MEGF6: variants seen among roughly 807,000 people sequenced by gnomAD.
MEGF6 encodes the protein multiple EGF like domains 6, also known as multiple epidermal growth factor-like domains protein 6.
In MEGF6, 184 loss-of-function variants were observed where a neutral mutation model predicts 207.1. The ratio of observed to expected loss-of-function variants is 0.89; its 90% confidence interval spans 0.79 to 1.00. The LOEUF (loss-of-function observed/expected upper bound fraction) is 1.00. Ranked by LOEUF, MEGF6 falls within the 50% of genes least tolerant of loss-of-function variation. The probability of loss-of-function intolerance (pLI) is 0.00; values close to 1 mark genes in which losing one functional copy is unlikely to be tolerated. For missense variants in MEGF6, 2,282 were observed against 2,202.9 expected, an observed-to-expected ratio of 1.04 and a Z score of -0.72; for synonymous variants, 1,038 against 910.0, an observed-to-expected ratio of 1.14 and a Z score of -2.53.
intron 4 of MEGF6, among the ~76,000 whole-genome samples, chr1:3,574,736 A>G (rs1557787365): frequency 6.6e-6 from 1 of 152,166 alleles, no homozygotes; most frequent in Non-Finnish European, 1.5e-5. Context: ...TCCACCTCCC[A>G]GGTTCAATCA....
chr1:3,499,828 G>T lies in MEGF6; in HGVS notation c.2804C>A (p.Pro935Gln). The T allele has an allele frequency of 6.4e-7, 1 of 1,553,758 alleles. No individual in the cohort carries two copies. Among genetic ancestry groups the T allele is most frequent in the Non-Finnish European group, 8.7e-7 (1 of 1,149,454 alleles). Residue 935 changes from proline to glutamine, a missense_variant, in exon 22 of 37, where the codon CCG becomes CAG. By Grantham distance (76) the Pro-to-Gln change is moderately conservative. Transcript: ENST00000356575. Reference sequence around the variant, plus strand: ...GCAGAAGGTGCCCCTCCAGCCGGCCGGGCAGGTGCAGGCCCCGCTGACGTG... The same window carrying T: ...GCAGAAGGTGCCCCTCCAGCCGGCCTGGCAGGTGCAGGCCCCGCTGACGTG... ...CDHVSGACTC[P>Q]AGWRGTFCEH...
chr1:3,552,397 G>A (rs945412568), intron 4 of MEGF6, among the ~76,000 whole-genome samples: 3 of 152,238 alleles, frequency 2.0e-5, no homozygotes, highest in Non-Finnish European at 2.9e-5. Context: ...CCAAGAAAGC[G>A]CTGAGGCATC....
rs377429809 is a variant in MEGF6, at chr1:3,497,141, C to T, written c.3482-22G>A. On this transcript the variant is annotated intron_variant, in intron 27 of 36. Coordinates refer to ENST00000356575, the MANE Select transcript of MEGF6 (RefSeq NM_001409.4). ...CAGGCTGGGTGGAGACAGGCAGGGT[C>T]GGTCCTGGCCCAGCCCCGCCAAGGA... 2.4e-3 allele frequency: 3,787 copies of T among 1,550,810 alleles called. 13 individuals carry two copies. The highest frequency in any genetic ancestry group is 3.0e-3 in the Non-Finnish European group (3,419 of 1,146,678).
intron 4 of MEGF6, among the ~76,000 whole-genome samples, chr1:3,571,240 A>G (rs947724028): frequency 5.3e-5 from 8 of 152,014 alleles, no homozygotes; most frequent in Non-Finnish European, 1.2e-4. Flanking sequence ...AACAGCCAGG[A>G]AGGGCAGGAG....
chr1:3,580,383 G>A (rs2101755728), intron 3 of MEGF6, among the ~76,000 whole-genome samples: 1 of 152,332 alleles, frequency 6.6e-6, no homozygotes, highest in Middle Eastern at 3.4e-3. Flanking sequence ...CCAGCCCCGG[G>A]AGGGGAGGCT....
Position 3,565,587 on chromosome 1 carries a change from A to G in MEGF6, c.481+14238T>C, listed in dbSNP as rs1353827707. 6.6e-6 allele frequency among the ~76,000 whole-genome samples: 1 copy of G among 152,146 alleles called. No individual in the cohort carries two copies. The highest frequency in any genetic ancestry group is 1.5e-5 in the Non-Finnish European group (1 of 67,982). On this transcript the variant is annotated intron_variant, in intron 4 of 36. Transcript: ENST00000356575. The surrounding 1 kb of genome is among the most constrained non-coding windows in gnomAD (Gnocchi z 4.8). ...CCTGGCCTGGCCCTGGACGGTCCCCATGGTAGGACCTGGGGCACAGCACCA... is the reference window on the plus strand; with the variant it reads ...CCTGGCCTGGCCCTGGACGGTCCCCGTGGTAGGACCTGGGGCACAGCACCA...
At chr1:3,553,766 C>G (rs575018703) in intron 4 of MEGF6, among the ~76,000 whole-genome samples, 50 of 152,282 alleles carry the variant, frequency 3.3e-4, no homozygotes, top group Admixed American at 7.2e-4. Flanking sequence ...CGGCAGGCAT[C>G]GGGGGCTTCA....
At chr1:3,563,175 C>T (rs537364542) in intron 4 of MEGF6, among the ~76,000 whole-genome samples, 99 of 152,318 alleles carry the variant, frequency 6.5e-4, no homozygotes, top group Non-Finnish European at 1.0e-3. Context: ...ACACACATCG[C>T]ACATGCACCT....
At chr1:3,608,470 C>T (rs72855439) in intron 1 of MEGF6, among the ~76,000 whole-genome samples, 3,050 of 149,196 alleles carry the variant, frequency 0.02, 104 homozygotes, top group African/African-American at 0.074. Context: ...GAGCCCATGG[C>T]CCCAGTGGAT....
chr1:3,522,582 C>A (rs1641794784), intron 5 of MEGF6, among the ~76,000 whole-genome samples: 1 of 149,408 alleles, frequency 6.7e-6, no homozygotes, highest in African/African-American at 2.5e-5. Context: ...GAGACTCCAG[C>A]CGGGTGAGTG....
At chr1:3,538,966 C>G (rs1009890350) in intron 4 of MEGF6, among the ~76,000 whole-genome samples, 4 of 152,190 alleles carry the variant, frequency 2.6e-5, no homozygotes, top group African/African-American at 7.2e-5. Context: ...AGGTCTCACA[C>G]TGTACTCAGA....
intron 4 of MEGF6, among the ~76,000 whole-genome samples, chr1:3,562,455 G>T (rs1215701404): frequency 6.6e-6 from 1 of 152,010 alleles, no homozygotes; most frequent in Non-Finnish European, 1.5e-5. Context: ...CCAAACCCTC[G>T]CATAGTCAAT....
chr1:3,498,413 A>G lies in MEGF6; in HGVS notation c.3310T>C (p.Cys1104Arg), dbSNP rs750323812. The change falls in exon 26 of 37, where the codon TGC (cysteine) becomes CGC (arginine). Residue 1104 changes from cysteine to arginine, a missense_variant. Transcript: ENST00000356575. ...CCAGTCCAGCCGGCTGGGCAGAGGC[A>G]GCGGCCCGTGTGCGGGTCACACAGG... Reference protein sequence around the residue: ...GGLCDPHTGRCLCPAGWTGDK... With the variant: ...GGLCDPHTGRRLCPAGWTGDK... 2 of 1,593,116 alleles carry G rather than the reference A, an allele frequency of 1.3e-6. No homozygotes were observed. Among genetic ancestry groups the G allele is most frequent in the Middle Eastern group, 1.7e-4 (1 of 5,936 alleles).
intron 17 of MEGF6, among the ~76,000 whole-genome samples, chr1:3,504,634 C>T (rs890637420): frequency 3.9e-5 from 6 of 152,124 alleles, no homozygotes; most frequent in African/African-American, 1.4e-4. Flanking sequence ...TAAGCATGGA[C>T]TCCGCTGGTC....
chr1:3,560,247 A>G lies in MEGF6; in HGVS notation c.481+19578T>C, dbSNP rs1643159067. ...TCTCCCAACACACATAATTTCCTGT[A>G]TCATTCAATCCTCCATTGGAATGAC... is the stretch of plus-strand genomic sequence containing the variant. On this transcript the variant is annotated intron_variant, in intron 4 of 36. Coordinates refer to ENST00000356575, the MANE Select transcript of MEGF6 (RefSeq NM_001409.4). The surrounding 1 kb of genome is among the most constrained non-coding windows in gnomAD (Gnocchi z 4.0). Among the ~76,000 whole-genome samples the G allele has an allele frequency of 6.6e-6, 1 of 152,170 alleles. No individual in the cohort carries two copies. Among genetic ancestry groups the G allele is most frequent in the Non-Finnish European group, 1.5e-5 (1 of 68,034 alleles).
At position 3,498,724 on chromosome 1, in the gene MEGF6, C is replaced by T. The variant is rs1640721295; in HGVS notation, c.3197G>A (p.Gly1066Asp). 2 of 1,568,380 alleles carry T rather than the reference C, an allele frequency of 1.3e-6. No homozygotes were observed. The highest frequency in any genetic ancestry group is 8.6e-7 in the Non-Finnish European group (1 of 1,159,212). ...CTTCTCACAGGCCAGGCCGGCCCAG[C>T]CCTCTGGGCACGCACAGTGGCCTGA... ...PVSGHCACPE[G>D]WAGLACEKEC... Residue 1066 changes from glycine (G) to aspartate (D), a missense_variant, in exon 25 of 37, where the codon GGC becomes GAC. Gly to Asp is a moderately conservative substitution (Grantham distance 94, BLOSUM62 -1). Coordinates refer to ENST00000356575, the MANE Select transcript of MEGF6 (RefSeq NM_001409.4).
rs1240300535 is a variant in MEGF6, at chr1:3,500,995, G to A, written c.2546C>T (p.Pro849Leu). ...CTGGCAGCTAAAGCCGGTCCACCCGGGGGCACAGCTGCAGTGTCCGGTGGC... is the reference window on the plus strand; with the variant it reads ...CTGGCAGCTAAAGCCGGTCCACCCGAGGGCACAGCTGCAGTGTCCGGTGGC... ...HPATGHCSCA[P>L]GWTGFSCQRA... The change falls in exon 20 of 37, where the codon CCC becomes CTC. Residue 849 changes from proline to leucine, a missense_variant. Coordinates refer to ENST00000356575, the MANE Select transcript of MEGF6 (RefSeq NM_001409.4). 1.9e-6 allele frequency: 3 copies of A among 1,612,120 alleles called. No homozygotes were observed. The highest frequency in any genetic ancestry group is 2.7e-5 in the African/African-American group (2 of 74,906).
Position 3,500,994 on chromosome 1 carries a change from G to A in MEGF6, c.2547C>T (p.Pro849=), listed in dbSNP as rs769082669. ...HPATGHCSCA[P]GWTGFSCQRA... ...TCTGGCAGCTAAAGCCGGTCCACCC[G>A]GGGGCACAGCTGCAGTGTCCGGTGG... The change falls in exon 20 of 37, where the codon CCC becomes CCT. Residue 849 remains proline, a synonymous_variant. Coordinates refer to ENST00000356575, the MANE Select transcript of MEGF6 (RefSeq NM_001409.4). 47 of 1,612,062 alleles carry A rather than the reference G, an allele frequency of 2.9e-5. No homozygotes were observed. Among genetic ancestry groups the A allele is most frequent in the African/African-American group, 1.5e-4 (11 of 74,888 alleles).
chr1:3,501,954 A>C, intron 17 of MEGF6, 33 bp from the exon 18 acceptor site: 1 of 1,338,014 alleles, frequency 7.5e-7, no homozygotes, highest in Non-Finnish European at 9.7e-7. Context: ...CCTTAGCCGC[A>C]CCACGTGGAG....
Sources: gnomAD v4.1 joint callset for allele counts (sites outside exome capture counted in the v4.1 genomes callset) on GRCh38, gnomAD v4.1.1 for gene constraint, Gnocchi (gnomAD v3.1) non-coding constraint, MANE v1.5 for transcripts, NCBI Gene and HGNC (gene_info 2026-07-23, HGNC 2026-07-21) for gene names.